WDR72: variants seen among roughly 807,000 people sequenced by gnomAD.
WDR72 encodes the protein WD repeat-containing protein 72.
A neutral mutation model predicts 124.2 loss-of-function variants in WDR72; 120 were observed. The ratio of observed to expected loss-of-function variants is 0.97; its 90% CI spans 0.83 to 1.12. The LOEUF is 1.12. WDR72 is among the 50% of genes most tolerant of loss of function. The pLI is 0.00. For synonymous variants in WDR72, 452 were observed against 441.7 expected, an observed-to-expected ratio of 1.02 and a Z score of -0.29; for missense variants, 1,387 against 1,278.8, an observed-to-expected ratio of 1.08 and a Z score of -1.29.
intron 13 of WDR72, among the ~76,000 whole-genome samples, chr15:53,674,476 C>T (rs2016096752): frequency 6.6e-6 from 1 of 152,148 alleles, no homozygotes; most frequent in Non-Finnish European, 1.5e-5. Context: ...CATCTTACTC[C>T]AGGAAATGTA....
chr15:53,616,881 T>A (rs1223308880), intron 14 of WDR72, among the ~76,000 whole-genome samples: 1 of 151,940 alleles, frequency 6.6e-6, no homozygotes, highest in Non-Finnish European at 1.5e-5. Context: ...TCTTCCTTGC[T>A]TTTTTTCTTC....
chr15:53,716,744 T>A (rs913991919), intron 3 of WDR72, 59 bp from the exon 4 acceptor site: 57 of 1,331,758 alleles, frequency 4.3e-5, no homozygotes, highest in Non-Finnish European at 5.8e-5. Context: ...GCTGGAATAA[T>A]TTTTGTGCCA....
chr15:53,635,492 A>G (rs1367681146), intron 14 of WDR72, among the ~76,000 whole-genome samples: 5 of 152,306 alleles, frequency 3.3e-5, no homozygotes, highest in Non-Finnish European at 1.5e-5. Flanking sequence ...GGAGCTTAAA[A>G]TTTATTTTCT....
intron 18 of WDR72, among the ~76,000 whole-genome samples, chr15:53,538,602 G>C (rs551299119): frequency 5.0e-4 from 76 of 152,156 alleles, no homozygotes; most frequent in African/African-American, 1.5e-3. Context: ...TTGAACACCA[G>C]GTTAACATTG....
At chr15:53,531,495 T>C (rs1353407836) in intron 18 of WDR72, among the ~76,000 whole-genome samples, 1 of 152,082 alleles carries the variant, frequency 6.6e-6, no homozygotes, top group Non-Finnish European at 1.5e-5. Context: ...TCAAGCTGTC[T>C]CACTGCATAA....
At chr15:53,675,906 G>A (rs2140469899) in intron 13 of WDR72, among the ~76,000 whole-genome samples, 1 of 152,226 alleles carries the variant, frequency 6.6e-6, no homozygotes, top group South Asian at 2.1e-4. Context: ...GTAGAGATGA[G>A]AGTACCAAAA....
intron 14 of WDR72, among the ~76,000 whole-genome samples, chr15:53,619,080 T>TA (rs1211591730): frequency 6.6e-6 from 1 of 152,132 alleles, no homozygotes; most frequent in South Asian, 2.1e-4. Context: ...TTGGTTCTTC[T>TA]AAAAAAACAA....
intron 18 of WDR72, among the ~76,000 whole-genome samples, chr15:53,535,025 AT>A (rs139033037): frequency 8.5e-5 from 13 of 152,116 alleles, no homozygotes; most frequent in African/African-American, 2.4e-4. Context: ...GTGATAAAAT[AT>A]TTTTTTAAGG....
intron 3 of WDR72, among the ~76,000 whole-genome samples, chr15:53,719,322 A>G (rs2017806480): frequency 1.3e-5 from 2 of 151,896 alleles, no homozygotes; most frequent in East Asian, 3.9e-4. Flanking sequence ...CTGCTTCTTA[A>G]GTGCTGGTTT....
chr15:53,652,909 A>G (rs1193345895), intron 14 of WDR72, among the ~76,000 whole-genome samples: 2 of 152,104 alleles, frequency 1.3e-5, no homozygotes, highest in Middle Eastern at 3.2e-3. Flanking sequence ...ACCACTATTT[A>G]ATACACTTTT....
chr15:53,713,489 C>A (rs1229100650), intron 6 of WDR72, among the ~76,000 whole-genome samples: 1 of 85,716 alleles, frequency 1.2e-5, no homozygotes, highest in African/African-American at 4.0e-5. Flanking sequence ...CTTGCTGTGT[C>A]GCCAAGGATG....
At chr15:53,691,039 T>G (rs1328378482) in intron 13 of WDR72, among the ~76,000 whole-genome samples, 1 of 152,148 alleles carries the variant, frequency 6.6e-6, no homozygotes, top group Non-Finnish European at 1.5e-5. Flanking sequence ...TGATTTGCAT[T>G]TCCCTGAAGA....
At chr15:53,635,403 G>A (rs2014586795) in intron 14 of WDR72, among the ~76,000 whole-genome samples, 1 of 152,166 alleles carries the variant, frequency 6.6e-6, no homozygotes, top group Non-Finnish European at 1.5e-5. Flanking sequence ...TCAGAATTGG[G>A]GCCATTTTTG....
chr15:53,624,832 A>G (rs1250827151), intron 14 of WDR72, among the ~76,000 whole-genome samples: 1 of 152,232 alleles, frequency 6.6e-6, no homozygotes, highest in Non-Finnish European at 1.5e-5. Context: ...AGTCTTATTA[A>G]CAAAGGGCCT....
At chr15:53,570,084 G>A (rs1191553392) in intron 18 of WDR72, among the ~76,000 whole-genome samples, 2 of 151,824 alleles carry the variant, frequency 1.3e-5, no homozygotes, top group Non-Finnish European at 2.9e-5. Flanking sequence ...TCATGCTTTT[G>A]CAGGAATACA....
intron 14 of WDR72, among the ~76,000 whole-genome samples, chr15:53,627,957 C>G (rs938936177): frequency 1.3e-5 from 2 of 152,160 alleles, no homozygotes; most frequent in African/African-American, 4.8e-5. Flanking sequence ...AATCTATGCT[C>G]TCCAATCTCT....
intron 18 of WDR72, chr15:53,541,088 G>A (rs1003148745): frequency 6.4e-6 from 1 of 156,742 alleles, no homozygotes; most frequent in Non-Finnish European, 1.4e-5. Context: ...CATTGCCCAG[G>A]CTTGATTAGG....
At chr15:53,620,279 C>T (rs1464419428) in intron 14 of WDR72, among the ~76,000 whole-genome samples, 1 of 151,756 alleles carries the variant, frequency 6.6e-6, no homozygotes, top group African/African-American at 2.4e-5. Flanking sequence ...TACATTATGA[C>T]ATACATACAT....
chr15:53,648,891 A>G (rs1270967206), intron 14 of WDR72, among the ~76,000 whole-genome samples: 1 of 151,990 alleles, frequency 6.6e-6, no homozygotes, highest in Non-Finnish European at 1.5e-5. Context: ...AAAAGTAAGA[A>G]GCAGAAGAAA....
Sources: gnomAD v4.1 joint callset for allele counts (sites outside exome capture counted in the v4.1 genomes callset) on GRCh38, gnomAD v4.1.1 for gene constraint, MANE v1.5 for transcripts, NCBI Gene and HGNC (gene_info 2026-07-23, HGNC 2026-07-21) for gene names.